MROH6: variants seen among roughly 807,000 people sequenced by gnomAD.
MROH6 encodes the protein maestro heat-like repeat-containing protein family member 6.
A neutral mutation model predicts 67.7 loss-of-function variants in MROH6; 62 were observed. That is an observed-to-expected ratio of 0.92 (90% CI 0.75 to 1.13). MROH6 has a LOEUF of 1.13. Among genes scored for constraint, MROH6 ranks in the 50% most tolerant of loss-of-function variants. The pLI is 0.00. For synonymous variants in MROH6, 566 were observed against 470.8 expected (o/e 1.20, Z -2.62); for missense variants, 1,175 against 1,029.1 (o/e 1.14, Z -1.94).
intron 10 of MROH6, 54 bp from the exon 11 acceptor site, chr8:143,568,315 G>A: frequency 1.3e-6 from 2 of 1,555,496 alleles, no homozygotes; most frequent in Non-Finnish European, 8.7e-7. Context: ...AAAGGCAAAA[G>A]GTGGGGTGGG....
intron 11 of MROH6, 88 bp downstream of exon 11, chr8:143,568,054 G>C: frequency 7.9e-6 from 12 of 1,510,192 alleles, no homozygotes; most frequent in Non-Finnish European, 9.8e-6. Flanking sequence ...TTTGGCTGCA[G>C]TAGAAACGGT....
At chr8:143,568,002 T>A in intron 11 of MROH6, 114 bp from the exon 12 acceptor site, 1 of 1,435,598 alleles carries the variant, frequency 7.0e-7, no homozygotes, top group Non-Finnish European at 9.3e-7. Context: ...GCAGGTGGCA[T>A]GGTCGGAGAC....
In MROH6 at chr8:143,570,392, G is replaced by T; in HGVS notation, c.906-12C>A. ...CCTCCACAGCACAGCTGGTGGTGGG[G>T]ACAGTGAGCAGGTGGGCAGTGGGAG... On this transcript the variant is annotated splice_polypyrimidine_tract_variant and intron_variant, in intron 5 of 13. Transcript: ENST00000398882. 1 of 1,606,284 alleles carries T rather than the reference G, an allele frequency of 6.2e-7. No homozygotes were observed.
intron 3 of MROH6, 139 bp downstream of exon 3, chr8:143,571,528 G>A (rs1055059579): frequency 3.0e-5 from 34 of 1,123,234 alleles, no homozygotes; most frequent in African/African-American, 2.5e-4. Context: ...GAATGGATAC[G>A]GGGCATGAGT....
At position 143,570,347 on chromosome 8, in the gene MROH6, G is replaced by C. The variant is rs201399251; in HGVS notation, c.939C>G (p.Thr313=). ...TGACCACCATGCGGCCTCCATCCCC[G>C]GTGAGCAGCGCCTTCAAGGCCTCCA... ...CAVEALKALL[T]GDGGRMVVTC... Residue 313 remains threonine, a synonymous_variant, in exon 6 of 14, where the codon ACC becomes ACG. Coordinates refer to ENST00000398882, the MANE Select transcript of MROH6 (RefSeq NM_001100878.2). The C allele has an allele frequency of 1.1e-5, 17 of 1,610,552 alleles. No homozygotes were observed. The highest frequency in any genetic ancestry group is 9.3e-5 in the African/African-American group (7 of 74,918).
rs1327932101 is a variant in MROH6 at position 143,572,126 on chromosome 8, G to A, written c.354C>T (p.Ala118=). 5 of 1,612,968 alleles carry A rather than the reference G, an allele frequency of 3.1e-6. No homozygotes were observed. The highest frequency in any genetic ancestry group is 4.2e-6 in the Non-Finnish European group (5 of 1,179,886). Residue 118 remains alanine, a synonymous_variant, in exon 2 of 14, where the codon GCC becomes GCT. Transcript: ENST00000398882. ...VLADLALYTA[A]CLEEAGFAGT... is the part of the protein sequence containing the mutation. ...CTGCAAAGCCAGCCTCCTCCAGGCA[G>A]GCAGCCGTGTACAACGCGAGGTCGG...
chr8:143,572,472 C>T lies in MROH6; in HGVS notation c.243G>A (p.Glu81=), dbSNP rs1489592162. 2.5e-6 allele frequency: 4 copies of T among 1,601,086 alleles called. No homozygotes were observed. The highest frequency in any genetic ancestry group is 2.2e-5 in the East Asian group (1 of 44,646). The change falls in exon 1 of 14, where the codon GAG becomes GAA. Residue 81 remains glutamate (E), a synonymous_variant. Coordinates refer to ENST00000398882, the MANE Select transcript of MROH6 (RefSeq NM_001100878.2). ...CCAGGGCACTGTTGAGGGAGCAGGG[C>T]TCGCTGCCAGCTTCAGGGACGGTGG... The part of the protein sequence containing the change: ...RGATVPEAGS[E]PCSLNSALEP...
At position 143,568,167 on chromosome 8, in the gene MROH6, G is replaced by A. The variant is rs1190742135; in HGVS notation, c.1739C>T (p.Ala580Val). 8.7e-6 allele frequency: 14 copies of A among 1,609,752 alleles called. No homozygotes were observed. The highest frequency in any genetic ancestry group is 1.2e-5 in the Non-Finnish European group (14 of 1,178,654). The stretch of plus-strand genomic sequence containing the variant: ...CAGGCGGCAGCAGAGGTGGCTCAGG[G>A]CCTCGGGGCTGTCATAGTGGGCCAC... ...VTVAHYDSPE[A>V]LSHLCCRLVQ... The change falls in exon 11 of 14, where the codon GCC (alanine) becomes GTC (valine). Residue 580 changes from alanine (A) to valine (V), a missense_variant. Transcript: ENST00000398882.
rs781081914 is a variant in MROH6 at position 143,571,012 on chromosome 8, GC to G, written c.603-19del. On this transcript the variant is annotated intron_variant, in intron 3 of 13. Coordinates refer to ENST00000398882, the MANE Select transcript of MROH6 (RefSeq NM_001100878.2). The stretch of plus-strand genomic sequence containing the variant: ...CTGCTACCCTGAGGGTTTGGAGGGG[GC>G]TGGTGTGAGACAAGAGATGGGTGGG... 33 of 1,545,642 alleles carry G rather than the reference GC, an allele frequency of 2.1e-5. No individual in the cohort carries two copies. Among genetic ancestry groups the G allele is most frequent in the Non-Finnish European group, 2.6e-5 (30 of 1,144,366 alleles).
rs1823937048 is a variant in MROH6 at position 143,570,299 on chromosome 8, G to A, written c.987C>T (p.Gly329=). 6.2e-7 allele frequency: 1 copy of A among 1,608,076 alleles called. No homozygotes were observed. The highest frequency in any genetic ancestry group is 1.7e-5 in the Admixed American group (1 of 59,870). The change falls in exon 6 of 14, where the codon GGC becomes GGT. Residue 329 remains glycine (G), a synonymous_variant. Coordinates refer to ENST00000398882, the MANE Select transcript of MROH6 (RefSeq NM_001100878.2). The part of the protein sequence containing the change: ...MVVTCMEQAG[G]WRRLVGAHTH... Reference sequence around the variant, plus strand: ...TGTGGGCTCCCACCAGCCTCCTCCAGCCTCCTGCCTGCTCCATGCACGTGA... The same window carrying A: ...TGTGGGCTCCCACCAGCCTCCTCCAACCTCCTGCCTGCTCCATGCACGTGA...
rs772994828 is a variant in MROH6 at position 143,567,777 on chromosome 8, C to T, written c.1867+9G>A. 1.9e-5 allele frequency: 30 copies of T among 1,562,412 alleles called. No individual in the cohort carries two copies. In the East Asian group the frequency reaches 4.5e-4, roughly 24 times the overall value. ...GTGCCAGGGGCAGTGTGACCCCGGGCGGCCTCACCTATAAGCACGGCGGCT... is the reference window on the plus strand; with the variant it reads ...GTGCCAGGGGCAGTGTGACCCCGGGTGGCCTCACCTATAAGCACGGCGGCT... On this transcript the variant is annotated intron_variant, in intron 12 of 13. Transcript: ENST00000398882.
intron 9 of MROH6, 97 bp from the exon 10 acceptor site, chr8:143,568,816 G>A: frequency 1.0e-6 from 1 of 956,192 alleles, no homozygotes; most frequent in Non-Finnish European, 1.5e-6. Flanking sequence ...GGCGGGTCTA[G>A]GGAAGGCTGC....
chr8:143,571,688 G>C lies in MROH6; in HGVS notation c.581C>G (p.Pro194Arg), dbSNP rs1188152841. The change falls in exon 3 of 14, where the codon CCC becomes CGC. Residue 194 changes from proline (P) to arginine (R), a missense_variant. Coordinates refer to ENST00000398882, the MANE Select transcript of MROH6 (RefSeq NM_001100878.2). ...HARDVVCALL[P>R]RSLPADRVAA... ...TTACCGATCGGCGGGCAGAGAGCGG[G>C]GTAGCAGCGCACACACCACGTCCCG... is the stretch of plus-strand genomic sequence containing the variant. 1 of 1,553,936 alleles carries C rather than the reference G, an allele frequency of 6.4e-7. No individual in the cohort carries two copies. Among genetic ancestry groups the C allele is most frequent in the Non-Finnish European group, 8.7e-7 (1 of 1,149,570 alleles).
At chr8:143,570,135 A>C (rs1032436453) in intron 6 of MROH6, 70 bp from the exon 7 acceptor site, 1 of 1,572,938 alleles carries the variant, frequency 6.4e-7, no homozygotes, top group Non-Finnish European at 8.6e-7. Flanking sequence ...CCCCATCCCA[A>C]CACCACCCTC....
At position 143,569,931 on chromosome 8, in the gene MROH6, C is replaced by A. The variant is rs764100959; in HGVS notation, c.1158+20G>T. ...AAGTCCAGGGTCACCCTTCACCACC[C>A]ATCCGGGAAGCAGGCTCACCCCTGT... On this transcript the variant is annotated intron_variant, in intron 7 of 13. Coordinates refer to ENST00000398882, the MANE Select transcript of MROH6 (RefSeq NM_001100878.2). The A allele has an allele frequency of 6.2e-7, 1 of 1,612,414 alleles. No individual in the cohort carries two copies. Among genetic ancestry groups the A allele is most frequent in the Admixed American group, 1.7e-5 (1 of 59,998 alleles).
Position 143,569,783 on chromosome 8 carries a change from G to GTCGC in MROH6, c.1212_1215dup (p.Leu406AlafsTer137). ...TCGGGGTCTCCCTGCCAGGTGAGGA[G>GTCGC]TCGCTCCAGGATGACCTCCTCCCGC... is the stretch of plus-strand genomic sequence containing the variant. On this transcript the variant is annotated frameshift_variant, in exon 8 of 14. Coordinates refer to ENST00000398882, the MANE Select transcript of MROH6 (RefSeq NM_001100878.2). LOFTEE classifies it high-confidence loss of function. 6.2e-7 allele frequency: 1 copy of GTCGC among 1,612,674 alleles called. No individual in the cohort carries two copies. Among genetic ancestry groups the GTCGC allele is most frequent in the Admixed American group, 1.7e-5 (1 of 59,938 alleles).
chr8:143,571,374 A>G (rs1215157937), intron 3 of MROH6, among the ~76,000 whole-genome samples: 1 of 151,956 alleles, frequency 6.6e-6, no homozygotes, highest in East Asian at 1.9e-4. Flanking sequence ...AGCCTCATTC[A>G]CCCCACTCCG....
chr8:143,571,155 AT>A, intron 3 of MROH6, among the ~76,000 whole-genome samples, 161 bp from the exon 4 acceptor site: 1 of 152,180 alleles, frequency 6.6e-6, no homozygotes, highest in Non-Finnish European at 1.5e-5. Context: ...AGAGAAACAA[AT>A]GAAGGGTTAA....
chr8:143,570,850 C>A, intron 4 of MROH6, 27 bp downstream of exon 4: 1 of 1,450,932 alleles, frequency 6.9e-7, no homozygotes, highest in Non-Finnish European at 9.4e-7. Context: ...CCGCCCCCAC[C>A]CCCTGGTAAT....
Sources: allele counts gnomAD v4.1 joint callset (sites outside exome capture counted in the v4.1 genomes callset), GRCh38; gene constraint gnomAD v4.1.1; transcripts MANE v1.5; gene names NCBI Gene and HGNC (gene_info 2026-07-23, HGNC 2026-07-21).